The following ABCB11 variants were observed in gnomAD, a reference collection of about 807,000 sequenced individuals.
ABCB11 encodes ATP binding cassette subfamily B member 11.
A neutral mutation model predicts 148.0 loss-of-function variants in ABCB11; 95 were observed. That is an observed-to-expected ratio of 0.64 (90% CI 0.54 to 0.76). The LOEUF is 0.76. Among genes scored for constraint, ABCB11 ranks in the 30% least tolerant of loss-of-function variants. The pLI is 0.00. For synonymous variants in ABCB11, 591 were observed against 555.4 expected (o/e 1.06, Z -0.90); for missense variants, 1,523 against 1,617.8 (o/e 0.94, Z 1.01).
chr2:168,933,108 C>CAA (rs61264551), intron 23 of ABCB11, among the ~76,000 whole-genome samples: 196 of 112,030 alleles, frequency 1.7e-3, no homozygotes, highest in East Asian at 4.1e-3. Context: ...GACTCCGTCT[C>CAA]AAAAAAAAAA....
intron 19 of ABCB11, among the ~76,000 whole-genome samples, chr2:168,954,936 T>C (rs916079356): frequency 3.3e-5 from 5 of 151,738 alleles, no homozygotes; most frequent in Non-Finnish European, 7.4e-5. Context: ...GCTTTGTTCA[T>C]TCTTTTTATT....
chr2:168,944,770 A>C lies in ABCB11; in HGVS notation c.2449-4T>G, dbSNP rs1692226940. The C allele has an allele frequency of 6.2e-7, 1 of 1,612,090 alleles. No homozygotes were observed. Among genetic ancestry groups the C allele is most frequent in the Admixed American group, 1.7e-5 (1 of 59,738 alleles). ...CAGATTTAGCAAAGGCATATCCCTAAAACATGAAGAGGGAGATGTTAGAGA... is the reference window on the plus strand; with the variant it reads ...CAGATTTAGCAAAGGCATATCCCTACAACATGAAGAGGGAGATGTTAGAGA... On this transcript the variant is annotated splice_region_variant and splice_polypyrimidine_tract_variant and intron_variant, in intron 20 of 27. Transcript: ENST00000650372.
intron 8 of ABCB11, among the ~76,000 whole-genome samples, chr2:168,992,014 ATTTTTTT>A (rs1320630457): frequency 7.1e-6 from 1 of 140,334 alleles, no homozygotes; most frequent in Non-Finnish European, 1.6e-5. Flanking sequence ...TTTAAAAAAA[ATTTTTTT>A]TTTTTTTTTT....
At chr2:168,959,866 T>C (rs1049248821) in intron 18 of ABCB11, among the ~76,000 whole-genome samples, 1 of 148,502 alleles carries the variant, frequency 6.7e-6, no homozygotes, top group Non-Finnish European at 1.5e-5. Context: ...CTACTGCTAT[T>C]GCTATGAATA....
chr2:169,015,174 T>C lies in ABCB11; in HGVS notation c.99-820A>G, dbSNP rs146024267. Among the ~76,000 whole-genome samples, 25 of 152,244 alleles carry C rather than the reference T, an allele frequency of 1.6e-4. No individual in the cohort carries two copies. The East Asian group carries it at 4.8e-3, about 29-fold the overall frequency. On this transcript the variant is annotated intron_variant, in intron 3 of 27. Transcript: ENST00000650372. ...AGCCAAGGTCCCTCTGCCAGGCATT[T>C]GAACCACACTCTCACCATCATCCTC...
chr2:168,949,919 C>T (rs563533767), intron 19 of ABCB11, among the ~76,000 whole-genome samples: 1 of 151,494 alleles, frequency 6.6e-6, no homozygotes, highest in East Asian at 2.0e-4. Flanking sequence ...GCAAGACTGG[C>T]CTAGCCTCCC....
intron 8 of ABCB11, among the ~76,000 whole-genome samples, chr2:168,993,057 G>A (rs1358478511): frequency 6.6e-6 from 1 of 151,856 alleles, no homozygotes; most frequent in East Asian, 1.9e-4. Flanking sequence ...ATGTTGTCCA[G>A]GCCTCAATTC....
intron 23 of ABCB11, among the ~76,000 whole-genome samples, chr2:168,933,026 A>G (rs560746737): frequency 5.0e-4 from 76 of 150,762 alleles, no homozygotes; most frequent in South Asian, 1.7e-3. Context: ...GGAGAATGGT[A>G]TGAACCTGGG....
At chr2:168,975,189 T>C (rs1331990860) in intron 12 of ABCB11, among the ~76,000 whole-genome samples, 4 of 89,350 alleles carry the variant, frequency 4.5e-5, no homozygotes, top group Non-Finnish European at 8.5e-5. Context: ...TATAGATAAA[T>C]ATATAATAAA....
In ABCB11 at chr2:168,936,279, A is replaced by T. The variant is rs1691822085; in HGVS notation, c.2765T>A (p.Leu922Ter). Residue 922 changes from leucine (L) to a stop codon, truncating the protein, a stop_gained, in exon 22 of 28, where the codon TTG (leucine) becomes TAG (stop). Coordinates refer to ENST00000650372, the MANE Select transcript of ABCB11 (RefSeq NM_003742.4). LOFTEE classifies it high-confidence loss of function. ...CTTATCTCGAGAGGCAAATCCTGTC[A>T]ACATCCTGGTCTGTGTGGCTCCTGA... ...ALSGATQTRM[L>*]TGFASRDKQA... is the part of the protein sequence containing the mutation. 6.2e-7 allele frequency: 1 copy of T among 1,613,834 alleles called. No homozygotes were observed. The highest frequency in any genetic ancestry group is 8.5e-7 in the Non-Finnish European group (1 of 1,179,876).
intron 19 of ABCB11, among the ~76,000 whole-genome samples, chr2:168,945,851 A>G (rs556484550): frequency 6.6e-6 from 1 of 151,908 alleles, no homozygotes; most frequent in Non-Finnish European, 1.5e-5. Flanking sequence ...CTATCAAAGC[A>G]TTGACTGGAA....
chr2:168,978,527 C>T (rs1694013620), intron 11 of ABCB11, among the ~76,000 whole-genome samples: 1 of 152,130 alleles, frequency 6.6e-6, no homozygotes, highest in Non-Finnish European at 1.5e-5. Flanking sequence ...CAATGAGTCA[C>T]TTCCTTAATA....
At chr2:168,954,567 G>A (rs1232067903) in intron 19 of ABCB11, among the ~76,000 whole-genome samples, 1 of 151,290 alleles carries the variant, frequency 6.6e-6, no homozygotes, top group Non-Finnish European at 1.5e-5. Context: ...CTTCTGGCCT[G>A]TAAGGTTTCT....
At chr2:168,959,178 G>A (rs774793479) in intron 18 of ABCB11, among the ~76,000 whole-genome samples, 2 of 151,668 alleles carry the variant, frequency 1.3e-5, no homozygotes, top group African/African-American at 2.4e-5. Flanking sequence ...TTTCATTACA[G>A]TTGCAAGTCA....
intron 19 of ABCB11, among the ~76,000 whole-genome samples, chr2:168,949,917 G>C (rs1025753572): frequency 3.3e-5 from 5 of 151,486 alleles, no homozygotes; most frequent in Non-Finnish European, 7.4e-5. Context: ...GAGCAAGACT[G>C]GCCTAGCCTC....
intron 1 of ABCB11, among the ~76,000 whole-genome samples, chr2:169,029,476 T>C (rs1695796455): frequency 2.6e-5 from 4 of 152,118 alleles, no homozygotes; most frequent in Admixed American, 2.6e-4. Flanking sequence ...TGTCGGTTGA[T>C]GCTGTGTGTC....
intron 1 of ABCB11, among the ~76,000 whole-genome samples, chr2:169,023,139 T>G (rs1214266209): frequency 1.3e-5 from 2 of 152,314 alleles, no homozygotes. Context: ...TGAATGACTT[T>G]GGATAGCAAT....
chr2:168,992,105 T>C (rs1694547432), intron 8 of ABCB11, among the ~76,000 whole-genome samples: 2 of 151,734 alleles, frequency 1.3e-5, no homozygotes, highest in Admixed American at 1.3e-4. Context: ...CATTTGAGCC[T>C]AGTGAAGTTG....
At chr2:168,984,215 TATTCA>T (rs1694237011) in intron 10 of ABCB11, among the ~76,000 whole-genome samples, 1 of 152,156 alleles carries the variant, frequency 6.6e-6, no homozygotes, top group Non-Finnish European at 1.5e-5. Flanking sequence ...GTTATCCTGC[TATTCA>T]CTGTCAAGGT....
Sources: gnomAD v4.1 joint callset for allele counts (sites outside exome capture counted in the v4.1 genomes callset) on GRCh38, gnomAD v4.1.1 for gene constraint, MANE v1.5 for transcripts, NCBI Gene and HGNC (gene_info 2026-07-23, HGNC 2026-07-21) for gene names.